Variants in GALNTL6 observed in about 807,000 individuals in gnomAD.
GALNTL6 encodes polypeptide N-acetylgalactosaminyltransferase like 6.
In GALNTL6, 46 loss-of-function variants were observed where a neutral mutation model predicts 73.7. That is an observed-to-expected ratio of 0.62 (90% CI 0.49 to 0.80). The LOEUF (loss-of-function observed/expected upper bound fraction) is 0.80, where lower values mean the gene tolerates loss of function less well. GALNTL6 is among the 30% of genes least tolerant of loss of function. The pLI, the probability that GALNTL6 is intolerant of heterozygous loss-of-function variation, is 0.00. For synonymous variants in GALNTL6, 259 were observed against 263.7 expected, an observed-to-expected ratio of 0.98 and a Z score of 0.17; for missense variants, 604 against 755.0, an observed-to-expected ratio of 0.80 and a Z score of 2.34.
At chr4:172,001,918 C>T (rs568704862) in intron 2 of GALNTL6, among the ~76,000 whole-genome samples, 2 of 152,198 alleles carry the variant, frequency 1.3e-5, no homozygotes, top group South Asian at 2.1e-4. Context: ...CTGCTCTTTG[C>T]GATTTTCCAG....
At position 172,368,663 on chromosome 4, in the gene GALNTL6, T is replaced by G. The variant is rs534973964; in HGVS notation, c.553+19974T>G. The stretch of plus-strand genomic sequence containing the variant: ...AGAATGAAGCCGCGGACCCTTGCAG[T>G]GAGTGTTACAGTTCTTAAAGATGTT... On this transcript the variant is annotated intron_variant, in intron 5 of 12. Transcript: ENST00000506823. 4.6e-5 allele frequency among the ~76,000 whole-genome samples: 7 copies of G among 152,278 alleles called. No individual in the cohort carries two copies. In the East Asian group the frequency reaches 1.2e-3, roughly 25 times the overall value.
chr4:172,539,894 TA>T, intron 5 of GALNTL6, among the ~76,000 whole-genome samples: 1 of 137,574 alleles, frequency 7.3e-6, no homozygotes, highest in South Asian at 2.2e-4. Context: ...TATATATATA[TA>T]TATATATATA....
chr4:172,657,394 A>G (rs924813777), intron 5 of GALNTL6, among the ~76,000 whole-genome samples: 2 of 152,222 alleles, frequency 1.3e-5, no homozygotes, highest in African/African-American at 2.4e-5. Context: ...AAAGGTCAGC[A>G]AAGAGTTGAA....
intron 2 of GALNTL6, among the ~76,000 whole-genome samples, chr4:171,963,133 A>T (rs1040107201): frequency 3.3e-5 from 5 of 151,266 alleles, no homozygotes; most frequent in African/African-American, 1.2e-4. Context: ...CATCATTTTT[A>T]GTACTGTGCT....
In GALNTL6 at chr4:171,813,668, T is replaced by G. The variant is rs1734440832; in HGVS notation, c.-492T>G. 1 of 152,338 alleles carries G rather than the reference T, an allele frequency of 6.6e-6. No individual in the cohort carries two copies. Among genetic ancestry groups the G allele is most frequent in the African/African-American group, 2.4e-5 (1 of 41,448 alleles). The allele number at this position is 152,338 out of a possible 1,614,324, so 9.4% of individuals were successfully genotyped here. A position where few individuals can be genotyped will look rare whatever the true frequency, so the allele number is the denominator to read the frequency against. ...GAATGGTAACATGAACAGCGGAGCGTGAGAGCGTCACCGGGGGAAGGGACG... is the reference window on the plus strand; with the variant it reads ...GAATGGTAACATGAACAGCGGAGCGGGAGAGCGTCACCGGGGGAAGGGACG... On this transcript the variant is annotated 5_prime_UTR_variant, in exon 1 of 13. An upstream open reading frame in the 5' UTR loses its in-frame stop. Transcript: ENST00000506823. The surrounding 1 kb of genome is among the most constrained non-coding windows in gnomAD (Gnocchi z 5.2).
intron 5 of GALNTL6, among the ~76,000 whole-genome samples, chr4:172,427,578 C>T (rs1474482875): frequency 1.3e-5 from 2 of 151,794 alleles, no homozygotes; most frequent in African/African-American, 4.8e-5. Context: ...AAATTGTGCT[C>T]AATAATGTTA....
chr4:173,009,193 G>A lies in GALNTL6; in HGVS notation c.1387G>A (p.Ala463Thr). 5 of 1,613,324 alleles carry A rather than the reference G, an allele frequency of 3.1e-6. No individual in the cohort carries two copies. Among genetic ancestry groups the A allele is most frequent in the Non-Finnish European group, 4.2e-6 (5 of 1,179,230 alleles). Residue 463 changes from alanine (A) to threonine (T), a missense_variant, in exon 11 of 13, where the codon GCA (alanine) becomes ACA (threonine). This residue lies in a region of GALNTL6 where 261 missense variants were observed against 296.5 expected (regional missense o/e 0.88). Coordinates refer to ENST00000506823, the MANE Select transcript of GALNTL6 (RefSeq NM_001034845.3). ...CTTTCCACAGATCCGAAATGTGGCA[G>A]CAAATCTCTGTGTGGACAGCAAGCA... ...AAWGEIRNVAANLCVDSKHGA... is the reference protein window; with the variant it reads ...AAWGEIRNVATNLCVDSKHGA...
At position 172,053,590 on chromosome 4, in the gene GALNTL6, T is replaced by A. The variant is rs576126123; in HGVS notation, c.139-176066T>A. Among the ~76,000 whole-genome samples the A allele has an allele frequency of 2.1e-4, 32 of 152,280 alleles. 1 individual carries two copies. Among genetic ancestry groups the A allele is most frequent in the Non-Finnish European group, 3.7e-4 (25 of 68,026 alleles). ...AAAGGGTTTTAAAGTACTTCAGTATTTATCCCACTACAAGCGAACTTAGTG... is the reference window on the plus strand; with the variant it reads ...AAAGGGTTTTAAAGTACTTCAGTATATATCCCACTACAAGCGAACTTAGTG... On this transcript the variant is annotated intron_variant, in intron 2 of 12. Coordinates refer to ENST00000506823, the MANE Select transcript of GALNTL6 (RefSeq NM_001034845.3).
intron 5 of GALNTL6, among the ~76,000 whole-genome samples, chr4:172,427,362 G>A (rs1294171276): frequency 6.6e-6 from 1 of 152,078 alleles, no homozygotes; most frequent in African/African-American, 2.4e-5. Flanking sequence ...CAGATCTCAT[G>A]AGAATTATTC....
At chr4:172,113,771 T>A (rs1392265951) in intron 2 of GALNTL6, among the ~76,000 whole-genome samples, 1 of 152,092 alleles carries the variant, frequency 6.6e-6, no homozygotes, top group Non-Finnish European at 1.5e-5. Context: ...CAAGACCCTC[T>A]GGAGTCCTCT....
chr4:172,968,280 C>T (rs1750423400), intron 10 of GALNTL6, among the ~76,000 whole-genome samples: 1 of 152,142 alleles, frequency 6.6e-6, no homozygotes, highest in Non-Finnish European at 1.5e-5. Flanking sequence ...AACAAGCATT[C>T]ACGCCCAATA....
chr4:172,075,240 T>A (rs1731665609), intron 2 of GALNTL6, among the ~76,000 whole-genome samples: 1 of 152,186 alleles, frequency 6.6e-6, no homozygotes, highest in Admixed American at 6.5e-5. Flanking sequence ...CTAATTTTCC[T>A]TTTTAAATAT....
intron 5 of GALNTL6, among the ~76,000 whole-genome samples, chr4:172,384,307 T>A (rs1042542667): frequency 2.6e-5 from 4 of 152,114 alleles, no homozygotes; most frequent in African/African-American, 9.7e-5. Context: ...CCAGATTTTT[T>A]ATTTATCCTT....
At chr4:172,773,215 T>C (rs1738878601) in intron 5 of GALNTL6, among the ~76,000 whole-genome samples, 1 of 152,158 alleles carries the variant, frequency 6.6e-6, no homozygotes, top group African/African-American at 2.4e-5. Context: ...ACTATTAGTT[T>C]AGAGATGGGG....
At chr4:172,155,457 GAAAAAAACA>G (rs1734226180) in intron 2 of GALNTL6, among the ~76,000 whole-genome samples, 3 of 151,966 alleles carry the variant, frequency 2.0e-5, no homozygotes, top group Admixed American at 2.0e-4. Context: ...AACTGACTGT[GAAAAAAACA>G]TTTTGTTGTT....
chr4:172,277,393 C>G (rs1164469037), intron 3 of GALNTL6, among the ~76,000 whole-genome samples: 3 of 152,028 alleles, frequency 2.0e-5, no homozygotes, highest in Non-Finnish European at 4.4e-5. Flanking sequence ...GTTATGGAAG[C>G]AGGTTCAATC....
intron 2 of GALNTL6, among the ~76,000 whole-genome samples, chr4:172,222,676 C>T (rs713350): frequency 0.38 from 58,108 of 151,704 alleles, 11,283 homozygotes; most frequent in Non-Finnish European, 0.41. Flanking sequence ...TAATGATCTA[C>T]ACACCCACCT....
chr4:172,963,739 G>A (rs536277102), intron 10 of GALNTL6, among the ~76,000 whole-genome samples: 2 of 152,352 alleles, frequency 1.3e-5, no homozygotes, highest in Admixed American at 6.5e-5. Context: ...CAGAAAGGCA[G>A]TTTGAGTAAT....
chr4:172,209,747 C>T (rs568339017), intron 2 of GALNTL6, among the ~76,000 whole-genome samples: 18 of 152,124 alleles, frequency 1.2e-4, no homozygotes, highest in African/African-American at 4.1e-4. Flanking sequence ...GAGGCTAGAG[C>T]TTGCTGTTTT....
Sources: gnomAD v4.1 joint callset for allele counts (sites outside exome capture counted in the v4.1 genomes callset) on GRCh38, gnomAD v4.1.1 for gene constraint, gnomAD v4.1.1 regional missense constraint, Gnocchi (gnomAD v3.1) non-coding constraint, MANE v1.5 for transcripts, NCBI Gene and HGNC (gene_info 2026-07-23, HGNC 2026-07-21) for gene names.